TUSC3: variants seen among roughly 807,000 people sequenced by gnomAD.
TUSC3 encodes dolichyl-diphosphooligosaccharide--protein glycosyltransferase subunit TUSC3.
In TUSC3, 45 loss-of-function variants were observed where a neutral mutation model predicts 44.8. The ratio of observed to expected loss-of-function variants is 1.00; its 90% CI spans 0.79 to 1.29. The LOEUF (loss-of-function observed/expected upper bound fraction) is 1.29, where lower values mean the gene tolerates loss of function less well. Among genes scored for constraint, TUSC3 ranks in the 50% most tolerant of loss-of-function variants. The pLI is 0.00. For missense variants in TUSC3, 519 were observed against 437.9 expected (o/e 1.19, Z -1.65); for synonymous variants, 212 against 152.9 (o/e 1.39, Z -2.85).
At position 15,645,951 on chromosome 8, in the gene TUSC3, T is replaced by C. The variant is rs1585188139; in HGVS notation, c.309-4746T>C. On this transcript the variant is annotated intron_variant, in intron 2 of 10. Transcript: ENST00000503731. ...GGTAAACTTAGCTTAAGGGTATTTA[T>C]GATATAGTGGCTGGCTATGAAACTA... Among the ~76,000 whole-genome samples the C allele has an allele frequency of 2.6e-5, 4 of 152,274 alleles. No homozygotes were observed. In the South Asian group the frequency reaches 8.3e-4, roughly 32 times the overall value.
chr8:15,428,062 G>A (rs1161353679), intron 1 of TUSC3, among the ~76,000 whole-genome samples: 1 of 151,120 alleles, frequency 6.6e-6, no homozygotes, highest in Non-Finnish European at 1.5e-5. Flanking sequence ...TTGGTGTGCT[G>A]CACCCATTAA....
At chr8:15,486,228 C>G (rs1800730717) in intron 2 of TUSC3, among the ~76,000 whole-genome samples, 1 of 152,098 alleles carries the variant, frequency 6.6e-6, no homozygotes, top group African/African-American at 2.4e-5. Flanking sequence ...AACTGTAAAG[C>G]CGGCTATAAT....
At chr8:15,837,384 T>A in the TUSC3 span, among the ~76,000 whole-genome samples, 1 of 152,114 alleles carries the variant, frequency 6.6e-6, no homozygotes, top group Non-Finnish European at 1.5e-5. Flanking sequence ...TAGTTTTTAT[T>A]GTCATTGTTT....
chr8:15,659,463 A>T, intron 3 of TUSC3, 44 bp from the exon 4 acceptor site: 2 of 1,597,994 alleles, frequency 1.3e-6, no homozygotes, highest in South Asian at 1.1e-5. Flanking sequence ...TGGATTAATG[A>T]TAAGATGATC....
chr8:15,483,579 T>C (rs1243830759), intron 2 of TUSC3: 1 of 153,356 alleles, frequency 6.5e-6, no homozygotes, highest in African/African-American at 2.4e-5. Flanking sequence ...CCTCAGGTGA[T>C]CTGCCCACCT....
upstream of TUSC3, among the ~76,000 whole-genome samples, chr8:15,539,568 TCTTGAA>T (rs1379189623): frequency 6.6e-6 from 1 of 151,870 alleles, no homozygotes; most frequent in East Asian, 1.9e-4. Context: ...GGCAGGCTGG[TCTTGAA>T]CTCCTGACCT....
At chr8:15,490,886 G>T (rs1369819401) in intron 2 of TUSC3, among the ~76,000 whole-genome samples, 3 of 152,082 alleles carry the variant, frequency 2.0e-5, no homozygotes, top group African/African-American at 7.2e-5. Flanking sequence ...TTTTTCCAAG[G>T]TTAAGGACAC....
chr8:15,546,064 C>T (rs1801851237), intron 1 of TUSC3, among the ~76,000 whole-genome samples: 1 of 151,764 alleles, frequency 6.6e-6, no homozygotes, highest in Admixed American at 6.6e-5. Context: ...AAAACAAGTA[C>T]ATAAACAAAG....
chr8:15,554,819 A>G (rs1802182596), intron 1 of TUSC3, among the ~76,000 whole-genome samples: 1 of 150,426 alleles, frequency 6.6e-6, no homozygotes, highest in African/African-American at 2.4e-5. Flanking sequence ...GTTAGCCAGG[A>G]TGGTGTCGAT....
chr8:15,550,498 A>T (rs1310860906), intron 1 of TUSC3, among the ~76,000 whole-genome samples: 3 of 151,624 alleles, frequency 2.0e-5, no homozygotes, highest in Non-Finnish European at 4.4e-5. Flanking sequence ...GTTTCCTCAT[A>T]CCAGAGTTTG....
intron 1 of TUSC3, among the ~76,000 whole-genome samples, chr8:15,609,022 A>G (rs929082622): frequency 6.6e-6 from 1 of 152,198 alleles, no homozygotes; most frequent in Non-Finnish European, 1.5e-5. Context: ...TTTTTAAAGT[A>G]CATTTAAAAC....
chr8:15,631,108 T>C (rs189523233), intron 2 of TUSC3, among the ~76,000 whole-genome samples: 3 of 152,340 alleles, frequency 2.0e-5, no homozygotes, highest in East Asian at 3.9e-4. Flanking sequence ...ACTGGGGAAG[T>C]GTCATGCCTT....
chr8:15,665,040 C>G (rs758816348), intron 5 of TUSC3, among the ~76,000 whole-genome samples: 1 of 151,364 alleles, frequency 6.6e-6, no homozygotes, highest in East Asian at 1.9e-4. Context: ...AAATGCTGAC[C>G]TATTCATTCA....
intron 2 of TUSC3, among the ~76,000 whole-genome samples, chr8:15,632,270 T>G (rs888134963): frequency 6.6e-6 from 1 of 152,164 alleles, no homozygotes; most frequent in Non-Finnish European, 1.5e-5. Context: ...ACTTTTTTTT[T>G]CCCTGAGGAA....
chr8:15,790,249 G>T, the TUSC3 span, among the ~76,000 whole-genome samples: 12 of 140,458 alleles, frequency 8.5e-5, no homozygotes, highest in African/African-American at 3.2e-4. Flanking sequence ...GCAGTGGCGT[G>T]ATTTTGGCTC....
rs1395785187 is a variant in TUSC3 at position 15,504,604 on chromosome 8, TATATATATATATATA to T, written n.189+21122_189+21136del. Among the ~76,000 whole-genome samples the T allele has an allele frequency of 7.3e-4, 29 of 39,770 alleles. 2 individuals are homozygous for T. The highest frequency in any genetic ancestry group is 2.4e-3 in the South Asian group (3 of 1,264). The allele number at this position is 39,770 out of a possible 152,430, so 26.1% of individuals were successfully genotyped here. On this transcript the variant is annotated intron_variant and non_coding_transcript_variant, in intron 2 of 5. Transcript: ENST00000503191. ...ATATATATATATATATATATATATA[TATATATATATATATA>T]TATTTTTTTTTTTTTTTTTTTTTAA...
chr8:15,729,037 G>T (rs189185207), intron 6 of TUSC3, among the ~76,000 whole-genome samples: 5 of 152,264 alleles, frequency 3.3e-5, no homozygotes, highest in Non-Finnish European at 7.3e-5. Context: ...AGATTGATCA[G>T]AGAAGATACT....
intron 1 of TUSC3, among the ~76,000 whole-genome samples, chr8:15,434,530 C>CTTTTTTTTTTTTTT (rs59579003): frequency 7.4e-6 from 1 of 135,682 alleles, no homozygotes. Flanking sequence ...AAAGCCATTC[C>CTTTTTTTTTTTTTT]TTTTTTTTTT....
intron 6 of TUSC3, among the ~76,000 whole-genome samples, chr8:15,706,448 C>G (rs1284640541): frequency 6.6e-6 from 1 of 151,922 alleles, no homozygotes; most frequent in Non-Finnish European, 1.5e-5. Context: ...TTTAAGTAAG[C>G]CAATTAAGAA....
Sources: allele counts gnomAD v4.1 joint callset (sites outside exome capture counted in the v4.1 genomes callset), GRCh38; gene constraint gnomAD v4.1.1; transcripts MANE v1.5; gene names NCBI Gene and HGNC (gene_info 2026-07-23, HGNC 2026-07-21).